The following ARID2 variants were observed in gnomAD, a reference collection of about 807,000 sequenced individuals.
ARID2 encodes AT-rich interaction domain 2.
ARID2 carries 32 observed loss-of-function variants against 184.6 expected under a neutral mutation model. That is an observed-to-expected ratio of 0.17 (90% CI 0.13 to 0.23). ARID2 has a LOEUF of 0.23. Ranked by LOEUF, ARID2 falls within the 10% of genes least tolerant of loss-of-function variation. ARID2 has a pLI of 1.00. For synonymous variants in ARID2, 836 were observed against 772.6 expected (o/e 1.08, Z -1.36); for missense variants, 1,696 against 2,197.6 (o/e 0.77, Z 4.56).
At position 45,850,383 on chromosome 12, in the gene ARID2, G is replaced by C; in HGVS notation, c.2260G>C (p.Val754Leu). 6.2e-7 allele frequency: 1 copy of C among 1,614,090 alleles called. No homozygotes were observed. The highest frequency in any genetic ancestry group is 8.5e-7 in the Non-Finnish European group (1 of 1,179,988). ...VQNHSTGPQP[V>L]TVVNSQTLLH... is the part of the protein sequence containing the mutation. The stretch of plus-strand genomic sequence containing the variant: ...GAATCATAGTACAGGGCCACAACCT[G>C]TTACAGTTGTGAATTCTCAGACATT... The change falls in exon 15 of 21, where the codon GTT (valine) becomes CTT (leucine). Residue 754 changes from valine to leucine, a missense_variant. Coordinates refer to ENST00000334344, the MANE Select transcript of ARID2 (RefSeq NM_152641.4).
Position 45,905,940 on chromosome 12 carries a change from C to CTTTTTT in ARID2, c.*868_*873dup, listed in dbSNP as rs1362533296. 40 of 166,958 alleles carry CTTTTTT rather than the reference C, an allele frequency of 2.4e-4. No individual in the cohort carries two copies. The highest frequency in any genetic ancestry group is 1.1e-3 in the African/African-American group (39 of 35,820). The allele number at this position is 166,958 out of a possible 1,614,324, so 10.3% of individuals were successfully genotyped here. On this transcript the variant is annotated 3_prime_UTR_variant, in exon 21 of 21. Transcript: ENST00000334344. Reference sequence around the variant, plus strand: ...GAACTGTGATTTTTTTTTCTTTTTTCTTTTTTTTTTTCTTTTTTTTTTTGT... The same window carrying CTTTTTT: ...GAACTGTGATTTTTTTTTCTTTTTTCTTTTTTTTTTTTTTTTTCTTTTTTTTTTTGT...
intron 3 of ARID2, among the ~76,000 whole-genome samples, chr12:45,808,765 G>T (rs1160054392): frequency 6.6e-6 from 1 of 151,674 alleles, no homozygotes; most frequent in Non-Finnish European, 1.5e-5. Context: ...GTGTGTATGT[G>T]TGTGTGTGTG....
chr12:45,901,969 C>T (rs1187983207), intron 20 of ARID2, among the ~76,000 whole-genome samples: 2 of 152,126 alleles, frequency 1.3e-5, no homozygotes, highest in Non-Finnish European at 2.9e-5. Context: ...TGAGCCACCA[C>T]GCCTAGCAAA....
intron 3 of ARID2, among the ~76,000 whole-genome samples, chr12:45,778,988 A>G (rs1942037555): frequency 6.6e-6 from 1 of 152,030 alleles, no homozygotes; most frequent in Non-Finnish European, 1.5e-5. Flanking sequence ...TAGTTTTTTA[A>G]CCTATTATAA....
intron 6 of ARID2, among the ~76,000 whole-genome samples, chr12:45,829,954 T>G (rs1158775373): frequency 6.6e-6 from 1 of 150,562 alleles, no homozygotes; most frequent in East Asian, 1.9e-4. Flanking sequence ...GATCATGTTT[T>G]AATTTCTAGA....
At chr12:45,800,742 T>C (rs1217614516) in intron 3 of ARID2, among the ~76,000 whole-genome samples, 1 of 151,674 alleles carries the variant, frequency 6.6e-6, no homozygotes, top group African/African-American at 2.4e-5. Flanking sequence ...GCTATAAATA[T>C]AAAGTAAGAA....
chr12:45,863,876 G>T, intron 16 of ARID2, among the ~76,000 whole-genome samples: 2 of 124,732 alleles, frequency 1.6e-5, no homozygotes, highest in African/African-American at 3.3e-5. Flanking sequence ...TTGAGACACA[G>T]TCTCACTATG....
intron 20 of ARID2, among the ~76,000 whole-genome samples, chr12:45,899,641 A>G (rs1198985649): frequency 8.1e-6 from 1 of 123,862 alleles, no homozygotes; most frequent in Non-Finnish European, 1.7e-5. Context: ...GGTTATATAT[A>G]TATATATTTG....
chr12:45,751,929 A>G (rs1941472767), intron 3 of ARID2, among the ~76,000 whole-genome samples: 1 of 152,222 alleles, frequency 6.6e-6, no homozygotes, highest in Non-Finnish European at 1.5e-5. Flanking sequence ...GAAAAATGAT[A>G]GTTTGTACGA....
At chr12:45,899,142 C>T (rs1353487592) in intron 20 of ARID2, among the ~76,000 whole-genome samples, 9 of 148,102 alleles carry the variant, frequency 6.1e-5, no homozygotes, top group Non-Finnish European at 9.0e-5. Context: ...CGTGGTGGCG[C>T]GTACCTGTAG....
intron 13 of ARID2, among the ~76,000 whole-genome samples, chr12:45,849,273 A>G (rs1487750893): frequency 6.6e-6 from 1 of 152,150 alleles, no homozygotes; most frequent in East Asian, 1.9e-4. Context: ...AGAATATAAT[A>G]TTATTATCTT....
chr12:45,733,199 G>A (rs1383877750), intron 3 of ARID2, among the ~76,000 whole-genome samples: 4 of 152,176 alleles, frequency 2.6e-5, no homozygotes, highest in Admixed American at 6.5e-5. Context: ...ACCATGTGAA[G>A]ATTTGCATGG....
chr12:45,753,729 G>T (rs1037706470), intron 3 of ARID2, among the ~76,000 whole-genome samples: 1 of 152,110 alleles, frequency 6.6e-6, no homozygotes, highest in African/African-American at 2.4e-5. Context: ...GAATAGCTGG[G>T]ACTACAGGCA....
chr12:45,869,044 G>C (rs1363568023), intron 16 of ARID2, among the ~76,000 whole-genome samples: 1 of 151,320 alleles, frequency 6.6e-6, no homozygotes, highest in African/African-American at 2.4e-5. Context: ...TTTTGAGATG[G>C]AGTCTCGCTG....
chr12:45,836,295 C>T (rs2138124292), intron 6 of ARID2, among the ~76,000 whole-genome samples: 1 of 152,302 alleles, frequency 6.6e-6, no homozygotes, highest in Admixed American at 6.5e-5. Flanking sequence ...CTGCAGCCTT[C>T]AATTCCAGGC....
intron 12 of ARID2, among the ~76,000 whole-genome samples, chr12:45,847,234 TGTAGAAA>T (rs1037641445): frequency 6.6e-6 from 1 of 152,140 alleles, no homozygotes; most frequent in Admixed American, 6.6e-5. Flanking sequence ...TCTTTCACTT[TGTAGAAA>T]GTACAGTTTG....
Position 45,769,876 on chromosome 12 carries a change from T to C in ARID2, c.284+38562T>C, listed in dbSNP as rs574693200. On this transcript the variant is annotated intron_variant, in intron 3 of 20. Coordinates refer to ENST00000334344, the MANE Select transcript of ARID2 (RefSeq NM_152641.4). ...AGAAAGAATGGAGGCCAGAATGCAG[T>C]GGGATAAGATCAAGGGCTTAAAGGG... 3.9e-5 allele frequency among the ~76,000 whole-genome samples: 6 copies of C among 152,134 alleles called. No individual in the cohort carries two copies. In the East Asian group the frequency reaches 1.2e-3, roughly 29 times the overall value.
chr12:45,831,998 A>G (rs923176199), intron 6 of ARID2, among the ~76,000 whole-genome samples: 4 of 152,134 alleles, frequency 2.6e-5, no homozygotes, highest in African/African-American at 9.7e-5. Context: ...TAGATACCAT[A>G]TAGTTAGCAC....
chr12:45,774,116 A>G (rs1941931960), intron 3 of ARID2, among the ~76,000 whole-genome samples: 1 of 152,186 alleles, frequency 6.6e-6, no homozygotes, highest in Admixed American at 6.5e-5. Flanking sequence ...AAGGCAGATT[A>G]TTGATTATTG....
Sources: allele counts gnomAD v4.1 joint callset (sites outside exome capture counted in the v4.1 genomes callset), GRCh38; gene constraint gnomAD v4.1.1; transcripts MANE v1.5; gene names NCBI Gene and HGNC (gene_info 2026-07-23, HGNC 2026-07-21).